The following TBC1D19 variants were observed in gnomAD, a reference collection of about 807,000 sequenced individuals.
The protein encoded by TBC1D19 is TBC1 domain family member 19.
A neutral mutation model predicts 89.0 loss-of-function variants in TBC1D19; 60 were observed. That is an observed-to-expected ratio of 0.67 (90% confidence interval 0.55 to 0.84). The LOEUF (loss-of-function observed/expected upper bound fraction) is 0.84. TBC1D19 is among the 40% of genes least tolerant of loss of function. TBC1D19 has a pLI of 0.00. For missense variants in TBC1D19, 500 were observed against 610.8 expected (o/e 0.82, Z 1.91); for synonymous variants, 189 against 199.7 (o/e 0.95, Z 0.45).
At chr4:26,809,979 C>A in the TBC1D19 span, among the ~76,000 whole-genome samples, 4 of 152,332 alleles carry the variant, frequency 2.6e-5, no homozygotes, top group African/African-American at 9.6e-5. Flanking sequence ...TGGCCAGGGG[C>A]CAGGGCTTCT....
chr4:26,631,272 GT>G (rs771166632), intron 4 of TBC1D19, among the ~76,000 whole-genome samples: 1 of 151,950 alleles, frequency 6.6e-6, no homozygotes. Context: ...ATTCTTTCAT[GT>G]TTTTTCTGTA....
intron 5 of TBC1D19, among the ~76,000 whole-genome samples, chr4:26,637,657 C>A (rs1743220945): frequency 6.6e-6 from 1 of 152,102 alleles, no homozygotes; most frequent in African/African-American, 2.4e-5. Context: ...CAGATGTGAG[C>A]CACTGTGCCC....
At chr4:26,627,950 A>G (rs1742539404) in intron 4 of TBC1D19, among the ~76,000 whole-genome samples, 1 of 152,246 alleles carries the variant, frequency 6.6e-6, no homozygotes, top group African/African-American at 2.4e-5. Flanking sequence ...TTTAGACCTG[A>G]AGTCTTTGCC....
intron 4 of TBC1D19, among the ~76,000 whole-genome samples, chr4:26,630,843 T>A (rs185864491): frequency 1.4e-4 from 21 of 152,182 alleles, no homozygotes; most frequent in South Asian, 6.2e-4. Flanking sequence ...AATATATTAG[T>A]CAGTGAGTCA....
intron 13 of TBC1D19, among the ~76,000 whole-genome samples, chr4:26,694,318 T>C (rs892719112): frequency 6.6e-6 from 1 of 152,082 alleles, no homozygotes; most frequent in Non-Finnish European, 1.5e-5. Flanking sequence ...CAGTCTGAGA[T>C]TGAACTGCAA....
intron 7 of TBC1D19, among the ~76,000 whole-genome samples, chr4:26,645,885 A>C (rs1232250489): frequency 6.6e-6 from 1 of 152,114 alleles, no homozygotes; most frequent in Admixed American, 6.5e-5. Flanking sequence ...GCACTTTGGG[A>C]GGCCGAGGCG....
chr4:26,588,178 A>G (rs1739539394), intron 1 of TBC1D19, among the ~76,000 whole-genome samples: 1 of 151,930 alleles, frequency 6.6e-6, no homozygotes, highest in Non-Finnish European at 1.5e-5. Context: ...GGCGCCTGCC[A>G]CCACGCCCAG....
At chr4:26,610,129 T>A (rs1023707865) in intron 1 of TBC1D19, among the ~76,000 whole-genome samples, 2 of 152,092 alleles carry the variant, frequency 1.3e-5, no homozygotes, top group Admixed American at 1.3e-4. Flanking sequence ...GAAAGACTTG[T>A]CTTAGACTAA....
At chr4:26,780,734 C>G in the TBC1D19 span, among the ~76,000 whole-genome samples, 1 of 152,202 alleles carries the variant, frequency 6.6e-6, no homozygotes, top group East Asian at 1.9e-4. Flanking sequence ...CTTGAGAGTA[C>G]TATTTCTATG....
chr4:26,649,562 T>G (rs1335074540), intron 7 of TBC1D19, among the ~76,000 whole-genome samples: 1 of 152,200 alleles, frequency 6.6e-6, no homozygotes, highest in Non-Finnish European at 1.5e-5. Flanking sequence ...ATCTACTTTT[T>G]GTCTCTATGA....
At chr4:26,597,076 A>G (rs924662226) in intron 1 of TBC1D19, among the ~76,000 whole-genome samples, 2 of 152,220 alleles carry the variant, frequency 1.3e-5, no homozygotes, top group Non-Finnish European at 2.9e-5. Flanking sequence ...TGTGTCACTG[A>G]GGCCAAGTTG....
intron 11 of TBC1D19, among the ~76,000 whole-genome samples, chr4:26,678,869 G>C (rs1183629583): frequency 6.6e-6 from 1 of 152,086 alleles, no homozygotes; most frequent in East Asian, 1.9e-4. Flanking sequence ...CCAGTCCCTA[G>C]CTTGACTTTT....
chr4:26,791,386 A>T, the TBC1D19 span, among the ~76,000 whole-genome samples: 1 of 152,192 alleles, frequency 6.6e-6, no homozygotes, highest in Admixed American at 6.5e-5. Context: ...GAGCAAGGAG[A>T]GTCCAGCTCA....
chr4:26,603,132 C>T (rs530297617), intron 1 of TBC1D19, among the ~76,000 whole-genome samples: 5 of 152,128 alleles, frequency 3.3e-5, no homozygotes, highest in South Asian at 2.1e-4. Flanking sequence ...ATGTTGCCAA[C>T]GATAAAATTT....
At chr4:26,837,429 C>T in the TBC1D19 span, among the ~76,000 whole-genome samples, 1 of 152,138 alleles carries the variant, frequency 6.6e-6, no homozygotes, top group African/African-American at 2.4e-5. Flanking sequence ...AAAGATGGCA[C>T]CACAATTTTC....
intron 7 of TBC1D19, among the ~76,000 whole-genome samples, chr4:26,647,068 T>A (rs1744021261): frequency 6.6e-6 from 1 of 152,202 alleles, no homozygotes; most frequent in Non-Finnish European, 1.5e-5. Context: ...GATGAGTGTC[T>A]GAACTAAGAC....
At chr4:26,858,721 G>A in the TBC1D19 span, 6 of 152,202 alleles carry the variant, frequency 3.9e-5, no homozygotes, top group Admixed American at 6.5e-5. Context: ...AAGATGATCT[G>A]CGGTGGAGGG....
At chr4:26,791,726 A>C in the TBC1D19 span, among the ~76,000 whole-genome samples, 1 of 152,230 alleles carries the variant, frequency 6.6e-6, no homozygotes, top group Non-Finnish European at 1.5e-5. Flanking sequence ...TCATGGCTTG[A>C]AGCCTAACAA....
chr4:26,692,745 G>A (rs1714413684), intron 13 of TBC1D19, among the ~76,000 whole-genome samples: 1 of 152,196 alleles, frequency 6.6e-6, no homozygotes, highest in Non-Finnish European at 1.5e-5. Context: ...AGATAACTAG[G>A]AGGAGTCCTG....
Sources: gnomAD v4.1 joint callset for allele counts (sites outside exome capture counted in the v4.1 genomes callset) on GRCh38, gnomAD v4.1.1 for gene constraint, MANE v1.5 for transcripts, NCBI Gene and HGNC (gene_info 2026-07-23, HGNC 2026-07-21) for gene names.